Variants in RALGAPA2 observed in about 807,000 individuals in gnomAD.
RALGAPA2 encodes ral GTPase-activating protein subunit alpha-2.
A neutral mutation model predicts 230.4 loss-of-function variants in RALGAPA2; 139 were observed. The observed-to-expected ratio is 0.60, with a 90% CI of 0.53 to 0.69. The LOEUF (loss-of-function observed/expected upper bound fraction) is 0.69. Ranked by LOEUF, RALGAPA2 falls within the 30% of genes least tolerant of loss-of-function variation. RALGAPA2 has a pLI of 0.00. For missense variants in RALGAPA2, 2,163 were observed against 2,276.0 expected, an observed-to-expected ratio of 0.95 and a Z score of 1.01; for synonymous variants, 847 against 837.8, an observed-to-expected ratio of 1.01 and a Z score of -0.19.
chr20:20,582,816 T>C (rs2065026169), intron 20 of RALGAPA2, among the ~76,000 whole-genome samples: 1 of 152,244 alleles, frequency 6.6e-6, no homozygotes, highest in African/African-American at 2.4e-5. Context: ...CCTGGATTTA[T>C]AACATGTATG....
intron 31 of RALGAPA2, among the ~76,000 whole-genome samples, chr20:20,517,229 A>G (rs914520055): frequency 1.3e-5 from 2 of 152,186 alleles, no homozygotes; most frequent in Non-Finnish European, 2.9e-5. Flanking sequence ...AACATCCCTC[A>G]TCCCTACAGA....
chr20:20,642,231 G>A (rs2067065123), intron 5 of RALGAPA2, among the ~76,000 whole-genome samples: 1 of 150,758 alleles, frequency 6.6e-6, no homozygotes, highest in South Asian at 2.1e-4. Context: ...GGGGTCGGGG[G>A]ATGGAGTTTC....
At chr20:20,637,109 C>T (rs1350333340) in intron 8 of RALGAPA2, among the ~76,000 whole-genome samples, 2 of 152,198 alleles carry the variant, frequency 1.3e-5, no homozygotes, top group Non-Finnish European at 2.9e-5. Flanking sequence ...CCAAAAATAT[C>T]ATAAATACAT....
At position 20,511,338 on chromosome 20, in the gene RALGAPA2, A is replaced by C. The variant is rs903400345; in HGVS notation, c.4857-13T>G. The C allele has an allele frequency of 6.5e-7, 1 of 1,540,008 alleles. No individual in the cohort carries two copies. Among genetic ancestry groups the C allele is most frequent in the East Asian group, 2.4e-5 (1 of 41,232 alleles). ...ATGAAAATTCTTCCTATAAAGAAAA[A>C]AGGATGGAAGAAAAACCATGTGATT... On this transcript the variant is annotated splice_polypyrimidine_tract_variant and intron_variant, in intron 32 of 39. Coordinates refer to ENST00000202677, the MANE Select transcript of RALGAPA2 (RefSeq NM_020343.4).
intron 4 of RALGAPA2, among the ~76,000 whole-genome samples, chr20:20,647,942 A>G (rs530363663): frequency 1.3e-5 from 2 of 152,326 alleles, no homozygotes; most frequent in African/African-American, 4.8e-5. Context: ...TTTGGAAAAC[A>G]GTCTAGTAGT....
intron 12 of RALGAPA2, 131 bp from the exon 13 acceptor site, chr20:20,616,322 A>T: frequency 1.2e-6 from 1 of 844,612 alleles, no homozygotes; most frequent in Non-Finnish European, 1.7e-6. Context: ...TTCTATTTCA[A>T]TAAGGCAAGT....
At chr20:20,525,793 G>A (rs1157931346) in intron 28 of RALGAPA2, among the ~76,000 whole-genome samples, 1 of 152,140 alleles carries the variant, frequency 6.6e-6, no homozygotes, top group Admixed American at 6.5e-5. Flanking sequence ...CCCCCACAAA[G>A]GTTATCGTGG....
intron 35 of RALGAPA2, among the ~76,000 whole-genome samples, chr20:20,495,769 A>T (rs1041482491): frequency 6.6e-6 from 1 of 152,250 alleles, no homozygotes; most frequent in Non-Finnish European, 1.5e-5. Context: ...ATTTGTGACA[A>T]ACCTTTAAGA....
intron 30 of RALGAPA2, among the ~76,000 whole-genome samples, chr20:20,523,555 T>C (rs965000420): frequency 2.6e-5 from 4 of 152,182 alleles, no homozygotes; most frequent in Admixed American, 2.6e-4. Context: ...ATTAATCAAC[T>C]GTAGATTTCA....
rs1263240848 is a variant in RALGAPA2 at position 20,680,689 on chromosome 20, A to AC, written c.217+1dup. The AC allele has an allele frequency of 6.5e-7, 1 of 1,543,418 alleles. No individual in the cohort carries two copies. The highest frequency in any genetic ancestry group is 8.7e-7 in the Non-Finnish European group (1 of 1,151,700). On this transcript the variant is annotated splice_donor_variant, in intron 2 of 39. Transcript: ENST00000202677. LOFTEE classifies it high-confidence loss of function. ...TTAAAAAAAAACTACTGAAATGCTT[A>AC]CCTTTTAATTTCAAACTATTTTCCA...
chr20:20,539,328 A>G (rs1156621094), intron 24 of RALGAPA2, among the ~76,000 whole-genome samples: 1 of 152,120 alleles, frequency 6.6e-6, no homozygotes, highest in Non-Finnish European at 1.5e-5. Context: ...CAGTTCCTCT[A>G]CAATTTTAAC....
In RALGAPA2 at chr20:20,390,922, G is replaced by C. The variant is rs942026454; in HGVS notation, c.*2367C>G. ...TTATAATCCTCAGGGGTTACAGGAG[G>C]GTTGAGTTATTTGCTGCCTACAATT... On this transcript the variant is annotated 3_prime_UTR_variant, in exon 40 of 40. Transcript: ENST00000202677. The C allele has an allele frequency of 4.6e-5, 7 of 152,178 alleles. No individual in the cohort carries two copies. Among genetic ancestry groups the C allele is most frequent in the African/African-American group, 1.7e-4 (7 of 41,442 alleles). 9.4% of individuals were successfully genotyped at this position (152,178 alleles called of 1,614,324 possible).
chr20:20,441,801 A>C (rs2060747756), intron 37 of RALGAPA2, among the ~76,000 whole-genome samples: 1 of 152,226 alleles, frequency 6.6e-6, no homozygotes, highest in East Asian at 1.9e-4. Flanking sequence ...GATCATTTTA[A>C]AACAGGATTT....
chr20:20,537,742 A>T (rs951332039), intron 24 of RALGAPA2, among the ~76,000 whole-genome samples: 1 of 152,054 alleles, frequency 6.6e-6, no homozygotes, highest in Non-Finnish European at 1.5e-5. Context: ...CTATCTGTCC[A>T]TCTATATGTC....
chr20:20,711,944 T>C (rs1335544794), intron 1 of RALGAPA2, among the ~76,000 whole-genome samples: 3 of 152,062 alleles, frequency 2.0e-5, no homozygotes, highest in Admixed American at 2.0e-4. Context: ...CAATTAGGTC[T>C]GTGCTGGGTT....
At chr20:20,581,133 G>C (rs1192750185) in intron 20 of RALGAPA2, among the ~76,000 whole-genome samples, 1 of 152,138 alleles carries the variant, frequency 6.6e-6, no homozygotes, top group African/African-American at 2.4e-5. Flanking sequence ...AGTATTTGGA[G>C]GAGTTAATCA....
intron 37 of RALGAPA2, among the ~76,000 whole-genome samples, chr20:20,441,421 A>G (rs2060737291): frequency 6.6e-6 from 1 of 152,186 alleles, no homozygotes. Context: ...TGTTGAAACA[A>G]ACAAACAGCT....
chr20:20,609,003 T>C (rs1481785248), intron 14 of RALGAPA2, among the ~76,000 whole-genome samples: 2 of 152,150 alleles, frequency 1.3e-5, no homozygotes, highest in African/African-American at 2.4e-5. Flanking sequence ...GGTTTTTTTG[T>C]TTGTTTTTTG....
intron 17 of RALGAPA2, among the ~76,000 whole-genome samples, chr20:20,589,869 G>A (rs1436420494): frequency 1.3e-5 from 2 of 150,284 alleles, no homozygotes; most frequent in Non-Finnish European, 3.0e-5. Context: ...AATAATCTGG[G>A]GGCAATAAAT....
Sources: allele counts gnomAD v4.1 joint callset (sites outside exome capture counted in the v4.1 genomes callset), GRCh38; gene constraint gnomAD v4.1.1; transcripts MANE v1.5; gene names NCBI Gene and HGNC (gene_info 2026-07-23, HGNC 2026-07-21).